Variants in DNAH9 observed in about 807,000 individuals in gnomAD.
The protein encoded by DNAH9 is DNAH9 variant protein.
DNAH9 carries 345 observed loss-of-function variants against 471.6 expected under a neutral mutation model. The observed-to-expected ratio is 0.73, with a 90% CI of 0.67 to 0.80. The LOEUF is 0.80. Ranked by LOEUF, DNAH9 falls within the 30% of genes least tolerant of loss-of-function variation. The probability of loss-of-function intolerance (pLI) is 0.00; values close to 1 mark genes in which losing one functional copy is unlikely to be tolerated. For synonymous variants in DNAH9, 2,093 were observed against 2,123.6 expected, an observed-to-expected ratio of 0.99 and a Z score of 0.40; for missense variants, 5,407 against 5,609.2, an observed-to-expected ratio of 0.96 and a Z score of 1.15.
At chr17:11,661,195 T>C (rs541207905) in intron 14 of DNAH9, among the ~76,000 whole-genome samples, 1 of 152,228 alleles carries the variant, frequency 6.6e-6, no homozygotes, top group Non-Finnish European at 1.5e-5. Flanking sequence ...AAAAATACCC[T>C]CTTGTTTTGA....
intron 2 of DNAH9, among the ~76,000 whole-genome samples, chr17:11,608,639 CTCA>C (rs2072560569): frequency 6.6e-6 from 1 of 152,154 alleles, no homozygotes; most frequent in Non-Finnish European, 1.5e-5. Context: ...AGGATAGTGT[CTCA>C]TCATTGGCAA....
chr17:11,646,521 G>A (rs1228828245), intron 11 of DNAH9, among the ~76,000 whole-genome samples: 1 of 152,164 alleles, frequency 6.6e-6, no homozygotes, highest in Non-Finnish European at 1.5e-5. Context: ...GTAACTTCTT[G>A]CAACATTTAC....
Position 11,644,718 on chromosome 17 carries a change from T to A in DNAH9, c.1970+19T>A, listed in dbSNP as rs1199527917. The A allele has an allele frequency of 6.3e-7, 1 of 1,582,100 alleles. No individual in the cohort carries two copies. The highest frequency in any genetic ancestry group is 1.7e-5 in the Admixed American group (1 of 59,738). ...TAGAAAAGTAAGCAACTTCTGGCATTGCGTGGGTCTGCAGATTGCACAGCC... is the reference window on the plus strand; with the variant it reads ...TAGAAAAGTAAGCAACTTCTGGCATAGCGTGGGTCTGCAGATTGCACAGCC... On this transcript the variant is annotated intron_variant, in intron 11 of 68. Coordinates refer to ENST00000262442, the MANE Select transcript of DNAH9 (RefSeq NM_001372.4).
intron 61 of DNAH9, among the ~76,000 whole-genome samples, chr17:11,919,604 G>A (rs1047666774): frequency 6.6e-6 from 1 of 151,944 alleles, no homozygotes; most frequent in Non-Finnish European, 1.5e-5. Flanking sequence ...GTACCAAAGC[G>A]CTTCGAAATT....
At chr17:11,830,577 A>T (rs1351460355) in intron 48 of DNAH9, among the ~76,000 whole-genome samples, 1 of 152,182 alleles carries the variant, frequency 6.6e-6, no homozygotes, top group African/African-American at 2.4e-5. Context: ...AAAAACGAAA[A>T]ATGAAAGGAA....
rs2072611536 is a variant in DNAH9 at position 11,610,467 on chromosome 17, A to G, written c.686A>G (p.Gln229Arg). 6.2e-7 allele frequency: 1 copy of G among 1,613,614 alleles called. No individual in the cohort carries two copies. Among genetic ancestry groups the G allele is most frequent in the African/African-American group, 1.3e-5 (1 of 74,930 alleles). The change falls in exon 3 of 69, where the codon CAG (glutamine) becomes CGG (arginine). Residue 229 changes from glutamine to arginine, a missense_variant. Around this residue, in one of 3 missense-constraint regions of DNAH9, gnomAD observed 767 missense variants for 692.5 expected, o/e 1.11. Coordinates refer to ENST00000262442, the MANE Select transcript of DNAH9 (RefSeq NM_001372.4). Reference protein sequence around the residue: ...SAVIKWSYQVQVVLKRESSQP... With the variant: ...SAVIKWSYQVRVVLKRESSQP... ...GTGATCAAATGGAGCTACCAAGTCC[A>G]GGTGGTACTCAAGAGAGAGTCTTCC...
chr17:11,855,511 T>A (rs192122832), intron 50 of DNAH9, among the ~76,000 whole-genome samples: 1 of 152,288 alleles, frequency 6.6e-6, no homozygotes, highest in Non-Finnish European at 1.5e-5. Flanking sequence ...GGAAGGAGTC[T>A]TCCCTGGTGC....
At chr17:11,607,392 T>G (rs574563441) in intron 1 of DNAH9, among the ~76,000 whole-genome samples, 9 of 152,150 alleles carry the variant, frequency 5.9e-5, no homozygotes, top group Non-Finnish European at 1.2e-4. Context: ...GACAAGGGGC[T>G]GTGGAAAGCA....
At chr17:11,917,375 T>C (rs1408837635) in intron 61 of DNAH9, among the ~76,000 whole-genome samples, 3 of 152,142 alleles carry the variant, frequency 2.0e-5, no homozygotes, top group Non-Finnish European at 4.4e-5. Context: ...CAGGCTGGTC[T>C]GGGACTCCTG....
At chr17:11,940,803 G>C (rs1397543448) in intron 66 of DNAH9, among the ~76,000 whole-genome samples, 1 of 152,196 alleles carries the variant, frequency 6.6e-6, no homozygotes, top group Admixed American at 6.5e-5. Flanking sequence ...GACACTCTTG[G>C]AAGTGTTTAC....
At chr17:11,654,580 A>C (rs1454841455) in intron 14 of DNAH9, among the ~76,000 whole-genome samples, 2 of 152,016 alleles carry the variant, frequency 1.3e-5, no homozygotes, top group Admixed American at 1.3e-4. Flanking sequence ...TCCAGGGGTC[A>C]ACCAGGAAAT....
intron 48 of DNAH9, among the ~76,000 whole-genome samples, chr17:11,827,748 C>T (rs1970546555): frequency 6.6e-6 from 1 of 151,670 alleles, no homozygotes; most frequent in South Asian, 2.1e-4. Flanking sequence ...TGCAATGGCA[C>T]AATCTCGGCT....
intron 26 of DNAH9, among the ~76,000 whole-genome samples, chr17:11,714,598 GTGA>G (rs1369692485): frequency 3.9e-5 from 6 of 152,088 alleles, no homozygotes; most frequent in African/African-American, 1.4e-4. Context: ...AACTGTGACT[GTGA>G]TGATATTATT....
chr17:11,640,280 G>T lies in DNAH9; in HGVS notation c.1797G>T (p.Pro599=), dbSNP rs201962543. The part of the protein sequence containing the change: ...VQEEAELGFS[P]VHKNMPTVAG... ...GTGCCATGTCTCCAGGGTTCTCCCC[G>T]GTGCACAAGAACATGCCCACCGTGG... is the stretch of plus-strand genomic sequence containing the variant. The change falls in exon 10 of 69, where the codon CCG becomes CCT. Residue 599 remains proline, a synonymous_variant. Coordinates refer to ENST00000262442, the MANE Select transcript of DNAH9 (RefSeq NM_001372.4). 2 of 1,612,028 alleles carry T rather than the reference G, an allele frequency of 1.2e-6. No homozygotes were observed. The highest frequency in any genetic ancestry group is 1.7e-6 in the Non-Finnish European group (2 of 1,178,416).
chr17:11,694,093 G>C (rs2074386516), intron 21 of DNAH9, 95 bp downstream of exon 21: 1 of 1,467,808 alleles, frequency 6.8e-7, no homozygotes, highest in Non-Finnish European at 9.3e-7. Context: ...GAGTATGGGT[G>C]CCTTGCATGT....
intron 6 of DNAH9, among the ~76,000 whole-genome samples, chr17:11,624,085 T>C (rs1473096025): frequency 1.3e-5 from 2 of 152,216 alleles, no homozygotes; most frequent in African/African-American, 4.8e-5. Context: ...TGCCTTCTTA[T>C]CATAACCATG....
chr17:11,647,176 T>C lies in DNAH9; in HGVS notation c.2075T>C (p.Ile692Thr). 6.2e-7 allele frequency: 1 copy of C among 1,614,040 alleles called. No individual in the cohort carries two copies. The change falls in exon 12 of 69, where the codon ATC (isoleucine) becomes ACC (threonine). Residue 692 changes from isoleucine (I) to threonine (T), a missense_variant. Coordinates refer to ENST00000262442, the MANE Select transcript of DNAH9 (RefSeq NM_001372.4). ...LLKRDPETKE[I>T]TINFNPQLIS... Reference sequence around the variant, plus strand: ...AAACGTGACCCAGAGACGAAGGAGATCACTATCAACTTTAACCCACAGGTC... The same window carrying C: ...AAACGTGACCCAGAGACGAAGGAGACCACTATCAACTTTAACCCACAGGTC...
At chr17:11,818,428 TAAA>T (rs1555602557) in intron 45 of DNAH9, among the ~76,000 whole-genome samples, 2 of 139,888 alleles carry the variant, frequency 1.4e-5, no homozygotes, top group Non-Finnish European at 1.6e-5. Flanking sequence ...ACTCCGTATT[TAAA>T]AAAAAAAAAA....
intron 48 of DNAH9, among the ~76,000 whole-genome samples, chr17:11,831,609 T>G (rs868490415): frequency 2.1e-4 from 32 of 152,252 alleles, no homozygotes; most frequent in Admixed American, 9.2e-4. Context: ...GCCCTGGGCT[T>G]CTTCTCCTTC....
Sources: allele counts gnomAD v4.1 joint callset (sites outside exome capture counted in the v4.1 genomes callset), GRCh38; gene constraint gnomAD v4.1.1; regional missense constraint gnomAD v4.1.1; transcripts MANE v1.5; gene names NCBI Gene and HGNC (gene_info 2026-07-23, HGNC 2026-07-21).